Variants in NFATC4 observed in about 807,000 individuals in gnomAD.
NFATC4 encodes the protein nuclear factor of activated T cells 4.
Under a neutral mutation model 73.4 loss-of-function variants are expected in NFATC4, and 25 were observed. The observed-to-expected ratio is 0.34, with a 90% CI of 0.25 to 0.48. The LOEUF (loss-of-function observed/expected upper bound fraction) is 0.48, where lower values mean the gene tolerates loss of function less well. Among genes scored for constraint, NFATC4 ranks in the 20% least tolerant of loss-of-function variants. The pLI, the probability that NFATC4 is intolerant of heterozygous loss-of-function variation, is 0.99. For synonymous variants in NFATC4, 523 were observed against 510.3 expected, an observed-to-expected ratio of 1.02 and a Z score of -0.34; for missense variants, 1,130 against 1,203.7, an observed-to-expected ratio of 0.94 and a Z score of 0.91.
chr14:24,377,052 A>T lies in NFATC4; in HGVS notation c.2641+174A>T. On this transcript the variant is annotated intron_variant, in intron 9 of 9. Transcript: ENST00000250373. The surrounding 1 kb of genome is among the most constrained non-coding windows in gnomAD (Gnocchi z 4.2). Reference sequence around the variant, plus strand: ...GCCTGTGGCTGCCTGAATCCAATTAACTGAATTCTGAAGAGTGCATGGGGT... The same window carrying T: ...GCCTGTGGCTGCCTGAATCCAATTATCTGAATTCTGAAGAGTGCATGGGGT... 1.4e-6 allele frequency: 2 copies of T among 1,383,432 alleles called. No homozygotes were observed. The highest frequency in any genetic ancestry group is 1.9e-6 in the Non-Finnish European group (2 of 1,074,922). 85.7% of individuals were successfully genotyped at this position (1,383,432 alleles called of 1,614,324 possible).
chr14:24,369,819 G>T lies in NFATC4; in HGVS notation c.421G>T (p.Gly141Cys). 6.3e-7 allele frequency: 1 copy of T among 1,599,886 alleles called. No homozygotes were observed. The highest frequency in any genetic ancestry group is 8.5e-7 in the Non-Finnish European group (1 of 1,173,394). Residue 141 changes from glycine to cysteine, a missense_variant, in exon 2 of 10, where the codon GGC becomes TGC. Around this residue, in one of 3 missense-constraint regions of NFATC4, gnomAD observed 585 missense variants for 574.3 expected, o/e 1.02. Coordinates refer to ENST00000250373, the MANE Select transcript of NFATC4 (RefSeq NM_004554.5). ...GGACAACCCTGATGCCTGGGGGGAC[G>T]GCTCTCCTAGAGATTACCCCCCACC... The part of the protein sequence containing the change: ...LEDNPDAWGD[G>C]SPRDYPPPEG...
In NFATC4 at chr14:24,373,306, G is replaced by A. The variant is rs765044236; in HGVS notation, c.1495G>A (p.Ala499Thr). The A allele has an allele frequency of 6.2e-7, 1 of 1,614,228 alleles. No individual in the cohort carries two copies. Among genetic ancestry groups the A allele is most frequent in the Non-Finnish European group, 8.5e-7 (1 of 1,180,048 alleles). ...GKMVATASYEAVVSGTKVLEM... is the reference protein window; with the variant it reads ...GKMVATASYETVVSGTKVLEM... ...GATGGTGGCCACGGCCAGCTATGAAGCCGTAGTCAGTGGCACCAAGGTGTT... is the reference window on the plus strand; with the variant it reads ...GATGGTGGCCACGGCCAGCTATGAAACCGTAGTCAGTGGCACCAAGGTGTT... Residue 499 changes from alanine to threonine, a missense_variant, in exon 4 of 10, where the codon GCC (alanine) becomes ACC (threonine). Around this residue, in one of 3 missense-constraint regions of NFATC4, gnomAD observed 155 missense variants for 221.2 expected, o/e 0.70. Transcript: ENST00000250373. This position sits in a 1 kb window ranked among gnomAD's most constrained non-coding sequence, Gnocchi z 4.7.
chr14:24,377,795 T>A lies in NFATC4; in HGVS notation c.*90T>A. 6.2e-7 allele frequency: 1 copy of A among 1,603,676 alleles called. No individual in the cohort carries two copies. Among genetic ancestry groups the A allele is most frequent in the Non-Finnish European group, 8.5e-7 (1 of 1,173,994 alleles). ...TTCCTGGAGTGGTGGCTACAGAAGC[T>A]TGGGGCCAACCCTGGCTCCTCTTTC... On this transcript the variant is annotated 3_prime_UTR_variant, in exon 10 of 10. Transcript: ENST00000250373. This position sits in a 1 kb window ranked among gnomAD's most constrained non-coding sequence, Gnocchi z 4.2.
Position 24,373,088 on chromosome 14 carries a change from C to A in NFATC4, c.1360-83C>A. Reference sequence around the variant, plus strand: ...CCTTTATCTTTCACCATTCCCATCCCATGGTAGACTGAAAATCTAGGGATG... The same window carrying A: ...CCTTTATCTTTCACCATTCCCATCCAATGGTAGACTGAAAATCTAGGGATG... On this transcript the variant is annotated intron_variant, in intron 3 of 9. Transcript: ENST00000250373. This position sits in a 1 kb window ranked among gnomAD's most constrained non-coding sequence, Gnocchi z 4.7. The A allele has an allele frequency of 7.2e-7, 1 of 1,383,958 alleles. No individual in the cohort carries two copies. The highest frequency in any genetic ancestry group is 1.0e-6 in the Non-Finnish European group (1 of 992,160). 85.7% of individuals were successfully genotyped at this position (1,383,958 alleles called of 1,614,324 possible).
intron 7 of NFATC4, 118 bp from the exon 8 acceptor site, chr14:24,375,857 A>T: frequency 6.4e-7 from 1 of 1,552,582 alleles, no homozygotes; most frequent in African/African-American, 1.4e-5. Context: ...ATCTCTAGGG[A>T]ATGAACTTTG....
intron 2 of NFATC4, chr14:24,372,146 G>T (rs115111327): frequency 5.8e-6 from 2 of 343,476 alleles, no homozygotes; most frequent in East Asian, 6.3e-5. Flanking sequence ...CAACCCCTGC[G>T]CTCAGAGCTG....
upstream of NFATC4, chr14:24,367,338 TG>T: frequency 1.3e-6 from 2 of 1,537,670 alleles, no homozygotes; most frequent in Non-Finnish European, 1.7e-6. Flanking sequence ...AGAGCCGGAG[TG>T]GGATGCTATC....
Position 24,368,445 on chromosome 14 carries a change from G to C in NFATC4, c.100+5G>C. 7.6e-7 allele frequency: 1 copy of C among 1,321,956 alleles called. No homozygotes were observed. The highest frequency in any genetic ancestry group is 9.7e-7 in the Non-Finnish European group (1 of 1,032,978). The allele number at this position is 1,321,956 out of a possible 1,614,324, so 81.9% of individuals were successfully genotyped here. On this transcript the variant is annotated splice_donor_5th_base_variant and intron_variant, in intron 1 of 9. Coordinates refer to ENST00000250373, the MANE Select transcript of NFATC4 (RefSeq NM_004554.5). ...GCGCGGGGGGATTGGGGGAAGGTTA[G>C]TGCTGGGCTGGGAAGGGGTCTTGGG...
At chr14:24,368,154 A>C, upstream of NFATC4, 1 of 1,219,388 alleles carries the variant, frequency 8.2e-7, no homozygotes, top group Non-Finnish European at 1.0e-6. Flanking sequence ...GCTTTGAAGA[A>C]GTTTGGGGGA....
chr14:24,368,818 C>G (rs985963694), intron 1 of NFATC4, among the ~76,000 whole-genome samples: 1 of 151,554 alleles, frequency 6.6e-6, no homozygotes, highest in Non-Finnish European at 1.5e-5. Flanking sequence ...ACTGGACGCC[C>G]GGGGCTGGGG....
At position 24,373,440 on chromosome 14, in the gene NFATC4, C is replaced by A. The variant is rs1191895614; in HGVS notation, c.1559+70C>A. ...GCTTTCTCCACTGGGCCTATGCTAG[C>A]CCACTTCTTCCTTTTCCCAGAAGAG... On this transcript the variant is annotated intron_variant, in intron 4 of 9. Coordinates refer to ENST00000250373, the MANE Select transcript of NFATC4 (RefSeq NM_004554.5). This position sits in a 1 kb window ranked among gnomAD's most constrained non-coding sequence, Gnocchi z 4.7. 1.3e-6 allele frequency: 2 copies of A among 1,536,184 alleles called. No individual in the cohort carries two copies. Among genetic ancestry groups the A allele is most frequent in the Non-Finnish European group, 1.8e-6 (2 of 1,121,404 alleles).
Position 24,376,777 on chromosome 14 carries a change from A to G in NFATC4, c.2540A>G (p.Tyr847Cys). ...GGATACAATAAGGTAGGGCCAGGCT[A>G]TGGCCCTGGGGAGGGGGCTCCGGAG... is the stretch of plus-strand genomic sequence containing the variant. ...AEGYNKVGPG[Y>C]GPGEGAPEQE... The change falls in exon 9 of 10, where the codon TAT becomes TGT. Residue 847 changes from tyrosine (Y) to cysteine (C), a missense_variant. Around this residue, in one of 3 missense-constraint regions of NFATC4, gnomAD observed 390 missense variants for 408.1 expected, o/e 0.96. Transcript: ENST00000250373. The surrounding 1 kb of genome is among the most constrained non-coding windows in gnomAD (Gnocchi z 5.0). 6.2e-7 allele frequency: 1 copy of G among 1,613,622 alleles called. No individual in the cohort carries two copies. Among genetic ancestry groups the G allele is most frequent in the Middle Eastern group, 1.7e-4 (1 of 6,058 alleles).
rs2042363649 is a variant in NFATC4 at position 24,368,395 on chromosome 14, GA to G, written c.56del (p.Glu19GlyfsTer75). ...EELEFKLVFG[E>X]EKEAPPLGAG... ...GCTGGAATTTAAGCTGGTGTTCGGG[GA>G]GGAAAAGGAGGCCCCCCCGCTGGGC... On this transcript the variant is annotated frameshift_variant, in exon 1 of 10. Transcript: ENST00000250373. LOFTEE classifies it high-confidence loss of function. The G allele has an allele frequency of 7.4e-7, 1 of 1,357,704 alleles. No homozygotes were observed. The highest frequency in any genetic ancestry group is 1.5e-5 in the African/African-American group (1 of 65,652). 84.1% of individuals were successfully genotyped at this position (1,357,704 alleles called of 1,614,324 possible).
chr14:24,375,918 G>T, intron 7 of NFATC4, 57 bp from the exon 8 acceptor site: 30 of 1,610,204 alleles, frequency 1.9e-5, no homozygotes, highest in Middle Eastern at 3.7e-4. Context: ...CCCCTGGAAA[G>T]GCTGGGCTAA....
In NFATC4 at chr14:24,377,786, T is replaced by C. The variant is rs572189987; in HGVS notation, c.*81T>C. 71 of 1,608,102 alleles carry C rather than the reference T, an allele frequency of 4.4e-5. No homozygotes were observed. The highest frequency in any genetic ancestry group is 5.9e-5 in the Non-Finnish European group (69 of 1,176,458). Reference sequence around the variant, plus strand: ...TTTCCCTCCTTCCTGGAGTGGTGGCTACAGAAGCTTGGGGCCAACCCTGGC... The same window carrying C: ...TTTCCCTCCTTCCTGGAGTGGTGGCCACAGAAGCTTGGGGCCAACCCTGGC... On this transcript the variant is annotated 3_prime_UTR_variant, in exon 10 of 10. Transcript: ENST00000250373. The surrounding 1 kb of genome is among the most constrained non-coding windows in gnomAD (Gnocchi z 4.2).
At position 24,376,466 on chromosome 14, in the gene NFATC4, T is replaced by C; in HGVS notation, c.2229T>C (p.Tyr743=). 6.2e-7 allele frequency: 1 copy of C among 1,613,764 alleles called. No homozygotes were observed. Residue 743 remains tyrosine, a synonymous_variant, in exon 9 of 10, where the codon TAT becomes TAC. Transcript: ENST00000250373. The surrounding 1 kb of genome is among the most constrained non-coding windows in gnomAD (Gnocchi z 5.0). ...ETPYLSEGFG[Y]GMPPLYPQTG... Reference sequence around the variant, plus strand: ...CTTACCTATCAGAAGGCTTCGGCTATGGCATGCCCCCTCTGTACCCCCAGA... The same window carrying C: ...CTTACCTATCAGAAGGCTTCGGCTACGGCATGCCCCCTCTGTACCCCCAGA...
At chr14:24,368,585 G>A (rs2042371337) in intron 1 of NFATC4, 145 bp downstream of exon 1, 1 of 818,896 alleles carries the variant, frequency 1.2e-6, no homozygotes, top group East Asian at 3.8e-5. Flanking sequence ...GTTGGCCTGC[G>A]GAAGTGAGGC....
At position 24,377,663 on chromosome 14, in the gene NFATC4, G is replaced by A; in HGVS notation, c.2667G>A (p.Leu889=). 6.2e-7 allele frequency: 1 copy of A among 1,614,192 alleles called. No homozygotes were observed. The stretch of plus-strand genomic sequence containing the variant: ...TGAGTGAGATCATTGGCCGAGACCT[G>A]AGTGGCTTCCCTGCACCTCCTGGAG... ...EEVSEIIGRD[L]SGFPAPPGEE... is the part of the protein sequence containing the mutation. Residue 889 remains leucine, a synonymous_variant, in exon 10 of 10, where the codon CTG becomes CTA. Transcript: ENST00000250373. This position sits in a 1 kb window ranked among gnomAD's most constrained non-coding sequence, Gnocchi z 4.2.
At chr14:24,372,409 G>T in intron 2 of NFATC4, 32 bp from the exon 3 acceptor site, 1 of 1,606,050 alleles carries the variant, frequency 6.2e-7, no homozygotes, top group Middle Eastern at 2.0e-4. Flanking sequence ...GTCTGAGGCT[G>T]CACATGATCA....
Sources: gnomAD v4.1 joint callset for allele counts (sites outside exome capture counted in the v4.1 genomes callset) on GRCh38, gnomAD v4.1.1 for gene constraint, gnomAD v4.1.1 regional missense constraint, Gnocchi (gnomAD v3.1) non-coding constraint, MANE v1.5 for transcripts, NCBI Gene and HGNC (gene_info 2026-07-23, HGNC 2026-07-21) for gene names.